CCNT2: variants seen among roughly 807,000 people sequenced by gnomAD.
CCNT2 encodes the protein cyclin T2, also known as cyclin-T2.
In CCNT2, 18 loss-of-function variants were observed where a neutral mutation model predicts 70.0. The ratio of observed to expected loss-of-function variants is 0.26; its 90% confidence interval spans 0.18 to 0.38. The LOEUF (loss-of-function observed/expected upper bound fraction) is 0.38. Among genes scored for constraint, CCNT2 ranks in the 10% least tolerant of loss-of-function variants. The probability of loss-of-function intolerance (pLI) is 1.00; values close to 1 mark genes in which losing one functional copy is unlikely to be tolerated. For missense variants in CCNT2, 734 were observed against 890.2 expected (o/e 0.82, Z 2.23); for synonymous variants, 334 against 313.3 (o/e 1.07, Z -0.70).
chr2:134,919,734 TG>T, intron 1 of CCNT2, 75 bp from the exon 2 acceptor site: 1 of 1,171,008 alleles, frequency 8.5e-7, no homozygotes, highest in Non-Finnish European at 1.2e-6. Flanking sequence ...GAAAAGAACC[TG>T]GGAATTTTCC....
chr2:134,942,129 T>C (rs1377856442), intron 4 of CCNT2, among the ~76,000 whole-genome samples: 1 of 151,548 alleles, frequency 6.6e-6, no homozygotes, highest in Non-Finnish European at 1.5e-5. Context: ...TAATGAAGTA[T>C]GGTTATAAGG....
rs1203257790 is a variant in CCNT2 at position 134,958,897 on chromosome 2, GCTAGGAGTAAT to G, written c.*4250_*4260del. On this transcript the variant is annotated 3_prime_UTR_variant, in exon 9 of 9. Coordinates refer to ENST00000264157, the MANE Select transcript of CCNT2 (RefSeq NM_058241.3). ...GATAAGATCCATCGAAGATTGAATGGCTAGGAGTAATTCTGTTCTCGTATAGGCAACTTAAC... is the reference window on the plus strand; with the variant it reads ...GATAAGATCCATCGAAGATTGAATGGTCTGTTCTCGTATAGGCAACTTAAC... 6.6e-6 allele frequency: 1 copy of G among 152,176 alleles called. No individual in the cohort carries two copies. Among genetic ancestry groups the G allele is most frequent in the Non-Finnish European group, 1.5e-5 (1 of 68,024 alleles). The allele number at this position is 152,176 out of a possible 1,614,324, so 9.4% of individuals were successfully genotyped here.
Position 134,931,002 on chromosome 2 carries a change from C to G in CCNT2, c.241-5839C>G, listed in dbSNP as rs1044311082. Reference sequence around the variant, plus strand: ...TTTTTTTGAGACATCTCACTCTGTCCCTCAGGCTGGAGTGCAGTGGCGCCA... The same window carrying G: ...TTTTTTTGAGACATCTCACTCTGTCGCTCAGGCTGGAGTGCAGTGGCGCCA... On this transcript the variant is annotated intron_variant, in intron 2 of 8. Coordinates refer to ENST00000264157, the MANE Select transcript of CCNT2 (RefSeq NM_058241.3). Among the ~76,000 whole-genome samples, 66 of 151,186 alleles carry G rather than the reference C, an allele frequency of 4.4e-4. 1 individual carries two copies. The highest frequency in any genetic ancestry group is 6.9e-3 in the Middle Eastern group (2 of 290).
chr2:134,953,591 T>G lies in CCNT2; in HGVS notation c.1136T>G (p.Ile379Ser). ...TCTTTGTCTGGTAGCCAGTACAACA[T>G]CAACTTCCAGCAGGGACCTTCTATA... ...ETSLSGSQYN[I>S]NFQQGPSISL... Residue 379 changes from isoleucine (I) to serine (S), a missense_variant, in exon 9 of 9, where the codon ATC becomes AGC. Physicochemically the swap from Ile to Ser is moderately radical, Grantham distance 142. This residue lies in a region of CCNT2 where 532 missense variants were observed against 556.9 expected (regional missense o/e 0.96). Coordinates refer to ENST00000264157, the MANE Select transcript of CCNT2 (RefSeq NM_058241.3). The G allele has an allele frequency of 1.2e-6, 2 of 1,614,066 alleles. No individual in the cohort carries two copies. The highest frequency in any genetic ancestry group is 1.7e-6 in the Non-Finnish European group (2 of 1,179,952).
intron 2 of CCNT2, among the ~76,000 whole-genome samples, chr2:134,922,728 A>T (rs1437331826): frequency 1.3e-5 from 2 of 152,172 alleles, no homozygotes; most frequent in African/African-American, 2.4e-5. Context: ...CCCAAGTCAC[A>T]CTTAAGTAGA....
intron 5 of CCNT2, chr2:134,944,198 G>A: frequency 1.0e-5 from 10 of 979,524 alleles, no homozygotes; most frequent in Non-Finnish European, 1.2e-5. Flanking sequence ...GTATAGCATA[G>A]AATTATATGC....
At chr2:134,922,087 G>A (rs958969908) in intron 2 of CCNT2, among the ~76,000 whole-genome samples, 4 of 152,154 alleles carry the variant, frequency 2.6e-5, no homozygotes, top group Non-Finnish European at 5.9e-5. Flanking sequence ...CAAAGGGGGT[G>A]GTCTGAAATT....
intron 2 of CCNT2, 74 bp from the exon 3 acceptor site, chr2:134,936,767 G>A: frequency 1.4e-6 from 2 of 1,386,382 alleles, no homozygotes; most frequent in East Asian, 2.4e-5. Context: ...AAAAAAAACA[G>A]AAAAGAAAAG....
chr2:134,940,516 GAA>G (rs956195894), intron 4 of CCNT2, among the ~76,000 whole-genome samples: 1 of 152,090 alleles, frequency 6.6e-6, no homozygotes, highest in African/African-American at 2.4e-5. Flanking sequence ...GCAGTTAAGA[GAA>G]AATGTAAATA....
rs371398546 is a variant in CCNT2 at position 134,939,116 on chromosome 2, T to C, written c.430+54T>C. On this transcript the variant is annotated intron_variant, in intron 4 of 8. Coordinates refer to ENST00000264157, the MANE Select transcript of CCNT2 (RefSeq NM_058241.3). The stretch of plus-strand genomic sequence containing the variant: ...TTGTGTGTATTTCACTAAAGCATTC[T>C]AAATAAGTGAAAAGATTTCTGAAAT... 230 of 1,127,126 alleles carry C rather than the reference T, an allele frequency of 2.0e-4. 1 individual carries two copies. In the African/African-American group the frequency reaches 3.3e-3, roughly 16 times the overall value. The allele number at this position is 1,127,126 out of a possible 1,614,324, so 69.8% of individuals were successfully genotyped here.
In CCNT2 at chr2:134,944,127, GTTCCTGTTC is replaced by G. The variant is rs1274435703; in HGVS notation, c.493+1457_493+1465del. ...GTAAGCTAGAACATATTTAACTGTG[GTTCCTGTTC>G]TTCATGGTTATATCAGCGTGTTTTA... is the stretch of plus-strand genomic sequence containing the variant. On this transcript the variant is annotated intron_variant, in intron 5 of 8. Coordinates refer to ENST00000264157, the MANE Select transcript of CCNT2 (RefSeq NM_058241.3). The G allele has an allele frequency of 4.1e-6, 4 of 983,712 alleles. No individual in the cohort carries two copies. The African/African-American group carries it at 7.0e-5, about 17-fold the overall frequency. The allele number at this position is 983,712 out of a possible 1,614,324, so 60.9% of individuals were successfully genotyped here.
chr2:134,929,190 T>G (rs555388730), intron 2 of CCNT2, among the ~76,000 whole-genome samples: 2 of 152,254 alleles, frequency 1.3e-5, no homozygotes, highest in Admixed American at 6.5e-5. Flanking sequence ...ACTTTTAAAT[T>G]AACAAATGTG....
At chr2:134,943,578 G>A (rs562381301) in intron 5 of CCNT2, 70 of 984,876 alleles carry the variant, frequency 7.1e-5, no homozygotes, top group African/African-American at 2.4e-4. Flanking sequence ...CCTGTTAAGC[G>A]TCTTGTTTAT....
At chr2:134,931,260 A>ATATTTTTTTTTT (rs1351628226) in intron 2 of CCNT2, among the ~76,000 whole-genome samples, 1 of 42,946 alleles carries the variant, frequency 2.3e-5, no homozygotes, top group Non-Finnish European at 4.0e-5. Flanking sequence ...CCATGCCCGG[A>ATATTTTTTTTTT]TCTTTTTTTT....
intron 2 of CCNT2, chr2:134,920,362 C>G (rs987715055): frequency 6.6e-6 from 1 of 152,220 alleles, no homozygotes; most frequent in African/African-American, 2.4e-5. Context: ...ATTTGCTAAC[C>G]TAGTAATTTC....
At chr2:134,930,061 C>T (rs892812736) in intron 2 of CCNT2, among the ~76,000 whole-genome samples, 8 of 152,040 alleles carry the variant, frequency 5.3e-5, no homozygotes, top group African/African-American at 1.9e-4. Context: ...GTGGCTCACA[C>T]GAAGTTGTAC....
intron 5 of CCNT2, chr2:134,944,784 A>C (rs978461151): frequency 5.1e-6 from 5 of 985,252 alleles, no homozygotes; most frequent in Non-Finnish European, 3.6e-6. Context: ...TACAACTTTT[A>C]GCTAACAGCA....
intron 2 of CCNT2, among the ~76,000 whole-genome samples, chr2:134,931,550 A>G (rs955468069): frequency 2.0e-5 from 3 of 151,838 alleles, no homozygotes; most frequent in Non-Finnish European, 2.9e-5. Context: ...AGTCCCTTGT[A>G]TTTCCATGTG....
rs1464101438 is a variant in CCNT2 at position 134,927,409 on chromosome 2, G to T, written c.240+7518G>T. 3.9e-5 allele frequency among the ~76,000 whole-genome samples: 6 copies of T among 152,002 alleles called. 1 individual carries two copies. Among genetic ancestry groups the T allele is most frequent in the African/African-American group, 1.2e-4 (5 of 41,378 alleles). Reference sequence around the variant, plus strand: ...CTTGGTAATTTATATGCTTCTCTGTGGTCCTGGCTCATCCTTTTTGTTGAG... The same window carrying T: ...CTTGGTAATTTATATGCTTCTCTGTTGTCCTGGCTCATCCTTTTTGTTGAG... On this transcript the variant is annotated intron_variant, in intron 2 of 8. Coordinates refer to ENST00000264157, the MANE Select transcript of CCNT2 (RefSeq NM_058241.3).
Sources: gnomAD v4.1 joint callset for allele counts (sites outside exome capture counted in the v4.1 genomes callset) on GRCh38, gnomAD v4.1.1 for gene constraint, gnomAD v4.1.1 regional missense constraint, MANE v1.5 for transcripts, NCBI Gene and HGNC (gene_info 2026-07-23, HGNC 2026-07-21) for gene names.